The following SAXO1 variants were observed in gnomAD, a reference collection of about 807,000 sequenced individuals.
SAXO1 encodes 4930500O09Rik.
A neutral mutation model predicts 17.5 loss-of-function variants in SAXO1; 21 were observed. That is an observed-to-expected ratio of 1.20 (90% CI 0.85 to 1.72). The LOEUF (loss-of-function observed/expected upper bound fraction) is 1.72, where lower values mean the gene tolerates loss of function less well. Among genes scored for constraint, SAXO1 ranks in the 40% most tolerant of loss-of-function variants. The pLI, the probability that SAXO1 is intolerant of heterozygous loss-of-function variation, is 0.00. For synonymous variants in SAXO1, 274 were observed against 216.5 expected (o/e 1.27, Z -2.33); for missense variants, 843 against 596.0 (o/e 1.41, Z -4.32).
At chr9:18,967,713 T>C (rs1832778887) in intron 1 of SAXO1, among the ~76,000 whole-genome samples, 2 of 152,174 alleles carry the variant, frequency 1.3e-5, no homozygotes, top group Admixed American at 1.3e-4. Context: ...AGCAAGACCA[T>C]TCGGCTCCCT....
chr9:18,983,079 A>T (rs1185731625), intron 1 of SAXO1, among the ~76,000 whole-genome samples: 1 of 152,332 alleles, frequency 6.6e-6, no homozygotes, highest in East Asian at 1.9e-4. Flanking sequence ...AAGGAAGAAA[A>T]AAGGAAAGGA....
intron 2 of SAXO1, among the ~76,000 whole-genome samples, chr9:18,946,761 G>A (rs1248053315): frequency 1.3e-5 from 2 of 152,042 alleles, no homozygotes; most frequent in Non-Finnish European, 2.9e-5. Context: ...AGCAAAGTAA[G>A]GCCATAATGA....
chr9:18,955,157 G>A (rs985921062), intron 1 of SAXO1, among the ~76,000 whole-genome samples: 1 of 152,100 alleles, frequency 6.6e-6, no homozygotes, highest in Non-Finnish European at 1.5e-5. Context: ...GATCTTGTCT[G>A]GGAATAGCCA....
In SAXO1 at chr9:18,947,419, G is replaced by A. The variant is rs190627305; in HGVS notation, c.218+3339C>T. On this transcript the variant is annotated intron_variant, in intron 2 of 3. Coordinates refer to ENST00000380534, the MANE Select transcript of SAXO1 (RefSeq NM_153707.4). ...GAGTCGATGCTACCAATTCCCTGCC[G>A]TCTGCCTTTCAGCCACACCCATCAA... Among the ~76,000 whole-genome samples the A allele has an allele frequency of 9.2e-5, 14 of 152,048 alleles. No homozygotes were observed. The East Asian group carries it at 2.1e-3, about 23-fold the overall frequency.
At chr9:19,007,427 T>C (rs774197362) in intron 1 of SAXO1, among the ~76,000 whole-genome samples, 1 of 152,218 alleles carries the variant, frequency 6.6e-6, no homozygotes, top group Non-Finnish European at 1.5e-5. Flanking sequence ...ACAAAGAAGT[T>C]CAACTTTTTA....
At chr9:18,997,405 T>C (rs1282790112) in intron 1 of SAXO1, among the ~76,000 whole-genome samples, 1 of 152,250 alleles carries the variant, frequency 6.6e-6, no homozygotes, top group Non-Finnish European at 1.5e-5. Context: ...GCATCTGCCA[T>C]TGCTGAGGCT....
At chr9:19,003,603 A>G (rs997006055) in intron 1 of SAXO1, among the ~76,000 whole-genome samples, 2 of 152,188 alleles carry the variant, frequency 1.3e-5, no homozygotes, top group Non-Finnish European at 2.9e-5. Flanking sequence ...ATCTACAACC[A>G]TCTGGTCTTT....
chr9:18,929,534 C>T (rs1012651087), intron 3 of SAXO1, among the ~76,000 whole-genome samples: 2 of 152,222 alleles, frequency 1.3e-5, no homozygotes, highest in African/African-American at 4.8e-5. Context: ...TGTGGAGTGA[C>T]AGCCCACTGT....
chr9:19,031,460 G>A (rs1373425746), intron 1 of SAXO1, among the ~76,000 whole-genome samples: 2 of 152,318 alleles, frequency 1.3e-5, no homozygotes, highest in East Asian at 1.9e-4. Flanking sequence ...TACTCAGGAG[G>A]CTGAGGCAGG....
intron 2 of SAXO1, among the ~76,000 whole-genome samples, chr9:18,945,273 C>G (rs1259407571): frequency 6.6e-6 from 1 of 152,180 alleles, no homozygotes; most frequent in Non-Finnish European, 1.5e-5. Context: ...GTTTTCCAGA[C>G]CCAACCGCTG....
chr9:18,928,158 T>TG lies in SAXO1; in HGVS notation c.1318dup (p.His440ProfsTer22). The TG allele has an allele frequency of 6.2e-7, 1 of 1,614,222 alleles. No individual in the cohort carries two copies. Among genetic ancestry groups the TG allele is most frequent in the East Asian group, 2.2e-5 (1 of 44,884 alleles). The stretch of plus-strand genomic sequence containing the variant: ...CTGGGAAACTGGTTTGTATATCCTG[T>TG]GACCCAAAGCATCCACTTCCTCAAA... On this transcript the variant is annotated frameshift_variant, in exon 4 of 4. Coordinates refer to ENST00000380534, the MANE Select transcript of SAXO1 (RefSeq NM_153707.4). LOFTEE classifies it low-confidence loss of function (END_TRUNC).
At chr9:18,988,884 A>G (rs913805158) in intron 1 of SAXO1, among the ~76,000 whole-genome samples, 2 of 152,228 alleles carry the variant, frequency 1.3e-5, no homozygotes, top group Non-Finnish European at 2.9e-5. Context: ...CAGATCATAC[A>G]GCAACCCAAA....
intron 3 of SAXO1, among the ~76,000 whole-genome samples, chr9:18,933,410 GA>G (rs776660609): frequency 8.0e-5 from 12 of 150,514 alleles, no homozygotes; most frequent in Non-Finnish European, 1.3e-4. Context: ...TGAATTAAAA[GA>G]AAAAAATATC....
intron 1 of SAXO1, among the ~76,000 whole-genome samples, chr9:18,971,902 C>T (rs1832956422): frequency 6.7e-6 from 1 of 149,562 alleles, no homozygotes; most frequent in Non-Finnish European, 1.5e-5. Context: ...GTAACCCACT[C>T]TCACCCCCAA....
At chr9:18,957,930 G>A (rs1422752060) in intron 1 of SAXO1, among the ~76,000 whole-genome samples, 3 of 152,074 alleles carry the variant, frequency 2.0e-5, no homozygotes, top group African/African-American at 7.2e-5. Context: ...TATACCCAGA[G>A]GCCAAAGGAC....
At chr9:19,012,165 G>C (rs1005329394) in intron 1 of SAXO1, among the ~76,000 whole-genome samples, 1 of 152,032 alleles carries the variant, frequency 6.6e-6, no homozygotes, top group Non-Finnish European at 1.5e-5. Flanking sequence ...TTTTTAATGA[G>C]AGAGGAAAAA....
At chr9:19,043,903 G>C (rs1405230401) in intron 1 of SAXO1, among the ~76,000 whole-genome samples, 1 of 152,150 alleles carries the variant, frequency 6.6e-6, no homozygotes, top group African/African-American at 2.4e-5. Flanking sequence ...CCAGCACTTT[G>C]GGAGGCTGAG....
At chr9:18,951,495 C>T (rs933224576) in intron 1 of SAXO1, among the ~76,000 whole-genome samples, 13 of 152,192 alleles carry the variant, frequency 8.5e-5, no homozygotes, top group South Asian at 6.2e-4. Context: ...CTATGTGAAA[C>T]CACTTTCACA....
chr9:19,017,048 C>A (rs4130083), intron 1 of SAXO1, among the ~76,000 whole-genome samples: 14,003 of 152,082 alleles, frequency 0.092, 760 homozygotes, highest in South Asian at 0.12. Context: ...GTGGCTCATG[C>A]CTGTACTCCT....
Sources: gnomAD v4.1 joint callset for allele counts (sites outside exome capture counted in the v4.1 genomes callset) on GRCh38, gnomAD v4.1.1 for gene constraint, MANE v1.5 for transcripts, NCBI Gene and HGNC (gene_info 2026-07-23, HGNC 2026-07-21) for gene names.